The following VTI1A variants were observed in gnomAD, a reference collection of about 807,000 sequenced individuals.
The protein encoded by VTI1A is vesicle transport through interaction with t-SNAREs 1A, also known as vesicle transport through interaction with t-SNAREs homolog 1A.
Under a neutral mutation model 34.9 loss-of-function variants are expected in VTI1A, and 22 were observed. The ratio of observed to expected loss-of-function variants is 0.63; its 90% confidence interval spans 0.45 to 0.90. VTI1A has a LOEUF of 0.90. VTI1A is among the 40% of genes least tolerant of loss of function. VTI1A has a pLI of 0.00. For synonymous variants in VTI1A, 87 were observed against 97.3 expected (o/e 0.89, Z 0.62); for missense variants, 268 against 275.6 (o/e 0.97, Z 0.20).
intron 3 of VTI1A, among the ~76,000 whole-genome samples, chr10:112,518,214 T>C (rs1205158931): frequency 1.3e-5 from 2 of 152,176 alleles, no homozygotes; most frequent in African/African-American, 4.8e-5. Context: ...TAAAATAGTC[T>C]ATTAACCCAT....
intron 7 of VTI1A, chr10:112,737,558 T>C: frequency 1.9e-6 from 2 of 1,049,164 alleles, no homozygotes; most frequent in South Asian, 9.2e-5. Flanking sequence ...GGAGCCTGCA[T>C]TCCCAGGGGG....
intron 1 of VTI1A, among the ~76,000 whole-genome samples, chr10:112,457,935 GA>G (rs1847595043): frequency 1.3e-5 from 2 of 152,162 alleles, no homozygotes; most frequent in African/African-American, 4.8e-5. Flanking sequence ...CAGGACCTAA[GA>G]ATGTCTATTA....
At chr10:112,809,705 T>C (rs1364164151) in intron 7 of VTI1A, among the ~76,000 whole-genome samples, 1 of 152,234 alleles carries the variant, frequency 6.6e-6, no homozygotes, top group East Asian at 1.9e-4. Context: ...CACGTGTAGG[T>C]AGAGTCTCTC....
At chr10:112,545,337 C>G (rs1851036379) in intron 5 of VTI1A, among the ~76,000 whole-genome samples, 1 of 152,178 alleles carries the variant, frequency 6.6e-6, no homozygotes, top group Non-Finnish European at 1.5e-5. Context: ...CAGTAATGGA[C>G]ATTTGTGATT....
At chr10:112,741,082 A>T (rs1235123077) in intron 7 of VTI1A, among the ~76,000 whole-genome samples, 1 of 152,224 alleles carries the variant, frequency 6.6e-6, no homozygotes, top group African/African-American at 2.4e-5. Context: ...CATTGTATGG[A>T]ATGTCTGGAA....
At chr10:112,814,634 C>CAA (rs1379879989) in intron 7 of VTI1A, among the ~76,000 whole-genome samples, 1 of 152,156 alleles carries the variant, frequency 6.6e-6, no homozygotes, top group Non-Finnish European at 1.5e-5. Flanking sequence ...GGCCCAGCAA[C>CAA]AGACGCACAA....
chr10:112,538,869 A>G (rs1267254585), intron 5 of VTI1A, among the ~76,000 whole-genome samples: 1 of 152,178 alleles, frequency 6.6e-6, no homozygotes, highest in East Asian at 1.9e-4. Flanking sequence ...AAGTCATAGC[A>G]AGGAGTAAGG....
intron 5 of VTI1A, among the ~76,000 whole-genome samples, chr10:112,593,736 T>A (rs1024047572): frequency 5.3e-5 from 8 of 152,020 alleles, no homozygotes; most frequent in African/African-American, 7.2e-5. Flanking sequence ...ATCTTTTTTT[T>A]ATTTTTTTTA....
intron 3 of VTI1A, among the ~76,000 whole-genome samples, chr10:112,504,586 C>T (rs991828316): frequency 1.3e-5 from 2 of 151,986 alleles, no homozygotes; most frequent in Non-Finnish European, 2.9e-5. Context: ...TTTGCTATTG[C>T]ACATGCTGCT....
At chr10:112,832,949 T>C in the VTI1A span, among the ~76,000 whole-genome samples, 1 of 152,178 alleles carries the variant, frequency 6.6e-6, no homozygotes, top group Non-Finnish European at 1.5e-5. Context: ...AAAGGTCTGC[T>C]GATACCAGCA....
chr10:112,832,900 G>A, the VTI1A span, among the ~76,000 whole-genome samples: 2 of 152,218 alleles, frequency 1.3e-5, no homozygotes, highest in Non-Finnish European at 2.9e-5. Context: ...AGGGTAGGCA[G>A]TGGGGCTTTG....
At chr10:112,802,981 A>C (rs193176151) in intron 7 of VTI1A, among the ~76,000 whole-genome samples, 1 of 152,264 alleles carries the variant, frequency 6.6e-6, no homozygotes, top group East Asian at 1.9e-4. Flanking sequence ...GCTACTTTCT[A>C]ATGTTACTCT....
chr10:112,592,231 G>T (rs993286565), intron 5 of VTI1A, among the ~76,000 whole-genome samples: 1 of 152,192 alleles, frequency 6.6e-6, no homozygotes, highest in East Asian at 1.9e-4. Context: ...GTGAGACCCA[G>T]AGCAGAGGAA....
intron 5 of VTI1A, among the ~76,000 whole-genome samples, chr10:112,638,145 C>A (rs993858305): frequency 6.6e-6 from 1 of 152,190 alleles, no homozygotes; most frequent in African/African-American, 2.4e-5. Context: ...AGAGAGTTCT[C>A]AGTGTATTAT....
intron 7 of VTI1A, among the ~76,000 whole-genome samples, chr10:112,730,926 G>C (rs1408764134): frequency 5.3e-5 from 8 of 151,882 alleles, no homozygotes; most frequent in African/African-American, 1.7e-4. Flanking sequence ...TTTTTTCCTT[G>C]ATAGTCTGAA....
At chr10:112,493,372 G>A (rs1162359252) in intron 3 of VTI1A, among the ~76,000 whole-genome samples, 1 of 151,568 alleles carries the variant, frequency 6.6e-6, no homozygotes, top group Non-Finnish European at 1.5e-5. Context: ...TGATTCTTCT[G>A]GATTTTCTAC....
At chr10:112,464,396 T>C (rs1847829458) in intron 2 of VTI1A, 151 bp from the exon 3 acceptor site, 2 of 634,150 alleles carry the variant, frequency 3.2e-6, no homozygotes, top group African/African-American at 3.7e-5. Context: ...AGTGTAAAAG[T>C]AGTTTCAGTG....
intron 7 of VTI1A, among the ~76,000 whole-genome samples, chr10:112,786,387 A>G (rs1852288311): frequency 6.6e-6 from 1 of 152,194 alleles, no homozygotes; most frequent in Admixed American, 6.5e-5. Flanking sequence ...TGTGAATGAC[A>G]ACAATTTTCC....
At chr10:112,577,978 A>G (rs2134388649) in intron 5 of VTI1A, among the ~76,000 whole-genome samples, 1 of 152,360 alleles carries the variant, frequency 6.6e-6, no homozygotes, top group South Asian at 2.1e-4. Flanking sequence ...ATCCGACCTC[A>G]TAGACTTGCT....
Sources: allele counts gnomAD v4.1 joint callset (sites outside exome capture counted in the v4.1 genomes callset), GRCh38; gene constraint gnomAD v4.1.1; transcripts MANE v1.5; gene names NCBI Gene and HGNC (gene_info 2026-07-23, HGNC 2026-07-21).